The following ADAM12 variants were observed in gnomAD, a reference collection of about 807,000 sequenced individuals.
ADAM12 encodes ADAM metallopeptidase domain 12, also known as disintegrin and metalloproteinase domain-containing protein 12.
ADAM12 carries 70 observed loss-of-function variants against 106.4 expected under a neutral mutation model. The observed-to-expected ratio is 0.66, with a 90% confidence interval of 0.54 to 0.80. The LOEUF (loss-of-function observed/expected upper bound fraction) is 0.80, where lower values mean the gene tolerates loss of function less well. Ranked by LOEUF, ADAM12 falls within the 30% of genes least tolerant of loss-of-function variation. The probability of loss-of-function intolerance (pLI) is 0.00; values close to 1 mark genes in which losing one functional copy is unlikely to be tolerated. For synonymous variants in ADAM12, 420 were observed against 433.5 expected (o/e 0.97, Z 0.39); for missense variants, 1,010 against 1,171.9 (o/e 0.86, Z 2.02).
At position 126,190,989 on chromosome 10, in the gene ADAM12, CCTTTT is replaced by C. The variant is rs1183191076; in HGVS notation, c.261-35689_261-35685del. 1.0e-3 allele frequency among the ~76,000 whole-genome samples: 69 copies of C among 68,728 alleles called. 4 individuals carry two copies. The highest frequency in any genetic ancestry group is 2.1e-3 in the African/African-American group (56 of 26,308). The allele number at this position is 68,728 out of a possible 152,430, so 45.1% of individuals were successfully genotyped here. ...TTTGAGTTGCCATGAGGAGTTTTGT[CCTTTT>C]TTTTTTTTTTTTTTTTTTTTTTTTT... On this transcript the variant is annotated intron_variant, in intron 3 of 22. Transcript: ENST00000448723.
intron 1 of ADAM12, among the ~76,000 whole-genome samples, chr10:126,347,591 A>G (rs1855195163): frequency 6.6e-6 from 1 of 152,192 alleles, no homozygotes; most frequent in South Asian, 2.1e-4. Context: ...GCCAATCATT[A>G]TAAAGAGAAA....
At chr10:126,221,389 CAAAAAAA>C (rs35766891) in intron 3 of ADAM12, among the ~76,000 whole-genome samples, 1 of 100,712 alleles carries the variant, frequency 9.9e-6, no homozygotes, top group Non-Finnish European at 2.1e-5. Flanking sequence ...GACTCTGTCT[CAAAAAAA>C]AAAAAAAAAA....
chr10:126,191,570 C>T (rs1957501679), intron 3 of ADAM12, among the ~76,000 whole-genome samples: 1 of 150,490 alleles, frequency 6.6e-6, no homozygotes, highest in Admixed American at 6.6e-5. Flanking sequence ...GAGAGGATTC[C>T]TAATGTTCTG....
chr10:126,218,995 G>A (rs17154531), intron 3 of ADAM12, among the ~76,000 whole-genome samples: 2,718 of 152,254 alleles, frequency 0.018, 80 homozygotes, highest in African/African-American at 0.052. Context: ...AGGCCTGCAA[G>A]GTAATGTTAC....
At chr10:126,227,827 C>A (rs986951452) in intron 3 of ADAM12, among the ~76,000 whole-genome samples, 3 of 152,062 alleles carry the variant, frequency 2.0e-5, no homozygotes, top group Non-Finnish European at 4.4e-5. Flanking sequence ...AAAAAAATGG[C>A]AATATTTTTG....
chr10:126,246,835 CCT>C (rs58116072), intron 3 of ADAM12, among the ~76,000 whole-genome samples: 16,062 of 152,056 alleles, frequency 0.11, 2,282 homozygotes, highest in African/African-American at 0.32. Flanking sequence ...ACAAGGATGC[CCT>C]CTCTCACCAC....
chr10:126,286,353 A>T (rs921966699), intron 2 of ADAM12, among the ~76,000 whole-genome samples: 3 of 152,146 alleles, frequency 2.0e-5, no homozygotes, highest in African/African-American at 7.2e-5. Context: ...CTCCCATCAC[A>T]ACTCTGAGAT....
intron 4 of ADAM12, among the ~76,000 whole-genome samples, chr10:126,143,455 T>C (rs989127679): frequency 6.6e-6 from 1 of 151,558 alleles, no homozygotes; most frequent in Admixed American, 6.6e-5. Context: ...GGTGTGCATG[T>C]GTGTGTATAT....
chr10:126,154,072 T>C (rs994811400), intron 4 of ADAM12, among the ~76,000 whole-genome samples: 7 of 152,230 alleles, frequency 4.6e-5, no homozygotes, highest in South Asian at 2.1e-4. Flanking sequence ...CCTGGGGATC[T>C]GGCTTTTGTG....
At chr10:126,203,710 C>T (rs890781592) in intron 3 of ADAM12, among the ~76,000 whole-genome samples, 2 of 152,172 alleles carry the variant, frequency 1.3e-5, no homozygotes, top group Admixed American at 1.3e-4. Context: ...ATTTTCCTTC[C>T]TACTCCCACA....
At chr10:126,219,451 C>T (rs1215696195) in intron 3 of ADAM12, among the ~76,000 whole-genome samples, 1 of 152,070 alleles carries the variant, frequency 6.6e-6, no homozygotes, top group Non-Finnish European at 1.5e-5. Context: ...GCGACACAGA[C>T]ATCAGTGGTC....
At chr10:126,245,361 G>A (rs928067933) in intron 3 of ADAM12, among the ~76,000 whole-genome samples, 1 of 152,226 alleles carries the variant, frequency 6.6e-6, no homozygotes, top group Non-Finnish European at 1.5e-5. Flanking sequence ...AACCTAGATG[G>A]TGAAAGGAGA....
rs780775836 is a variant in ADAM12 at position 126,049,220 on chromosome 10, C to T, written c.1917+33G>A. 5 of 1,611,684 alleles carry T rather than the reference C, an allele frequency of 3.1e-6. No individual in the cohort carries two copies. Among genetic ancestry groups the T allele is most frequent in the Middle Eastern group, 3.7e-4 (2 of 5,392 alleles). On this transcript the variant is annotated intron_variant, in intron 16 of 22. Transcript: ENST00000448723. This position sits in a 1 kb window ranked among gnomAD's most constrained non-coding sequence, Gnocchi z 4.4. The stretch of plus-strand genomic sequence containing the variant: ...TTCAATGGGCCCTGTTCCAGACTTA[C>T]ATTTATGATCCAAGCAAACATTTGG...
intron 14 of ADAM12, among the ~76,000 whole-genome samples, chr10:126,054,997 CT>C (rs1954597763): frequency 6.6e-6 from 1 of 152,152 alleles, no homozygotes; most frequent in Non-Finnish European, 1.5e-5. Context: ...TCTCCAGGGC[CT>C]TACACATTAA....
chr10:126,108,997 T>C (rs1955823416), intron 7 of ADAM12, among the ~76,000 whole-genome samples: 1 of 152,234 alleles, frequency 6.6e-6, no homozygotes, highest in Non-Finnish European at 1.5e-5. Flanking sequence ...ATCAACTTGA[T>C]TTTAACTTCC....
intron 1 of ADAM12, among the ~76,000 whole-genome samples, chr10:126,348,599 G>A (rs968191046): frequency 7.9e-5 from 12 of 152,244 alleles, no homozygotes; most frequent in East Asian, 5.8e-4. Context: ...TGTGATCTAC[G>A]TCCACTTTGT....
chr10:126,200,030 C>T (rs1957669509), intron 3 of ADAM12, among the ~76,000 whole-genome samples: 3 of 152,330 alleles, frequency 2.0e-5, no homozygotes, highest in East Asian at 1.9e-4. Flanking sequence ...CAGTGACTTA[C>T]ACACTAGTTA....
In ADAM12 at chr10:126,015,313, G is replaced by C. The variant is rs914935459; in HGVS notation, c.*1966C>G. On this transcript the variant is annotated 3_prime_UTR_variant, in exon 23 of 23. Transcript: ENST00000448723. ...AATTGGAGGAAGGGCTAACATGCCA[G>C]ATCTAAGGATTTGGGCATCTAAAAA... 2 of 152,206 alleles carry C rather than the reference G, an allele frequency of 1.3e-5. No homozygotes were observed. Among genetic ancestry groups the C allele is most frequent in the Non-Finnish European group, 2.9e-5 (2 of 68,034 alleles). 9.4% of individuals were successfully genotyped at this position (152,206 alleles called of 1,614,324 possible). A position where few individuals can be genotyped will look rare whatever the true frequency, so the allele number is the denominator to read the frequency against.
chr10:126,023,908 G>GAAAAAAAAAAA (rs5788761), intron 21 of ADAM12, among the ~76,000 whole-genome samples: 1 of 140,738 alleles, frequency 7.1e-6, no homozygotes, highest in Non-Finnish European at 1.6e-5. Context: ...TGAACTCATG[G>GAAAAAAAAAAA]AAAAAAAAAA....
Sources: gnomAD v4.1 joint callset for allele counts (sites outside exome capture counted in the v4.1 genomes callset) on GRCh38, gnomAD v4.1.1 for gene constraint, Gnocchi (gnomAD v3.1) non-coding constraint, MANE v1.5 for transcripts, NCBI Gene and HGNC (gene_info 2026-07-23, HGNC 2026-07-21) for gene names.